The following MKLN1 variants were observed in gnomAD, a reference collection of about 807,000 sequenced individuals.
MKLN1 encodes muskelin.
Under a neutral mutation model 99.0 loss-of-function variants are expected in MKLN1, and 18 were observed. The ratio of observed to expected loss-of-function variants is 0.18; its 90% CI spans 0.13 to 0.27. The LOEUF is 0.27. Ranked by LOEUF, MKLN1 falls within the 10% of genes least tolerant of loss-of-function variation. The pLI, the probability that MKLN1 is intolerant of heterozygous loss-of-function variation, is 1.00. For missense variants in MKLN1, 621 were observed against 875.9 expected (o/e 0.71, Z 3.67); for synonymous variants, 288 against 293.2 (o/e 0.98, Z 0.18).
intron 2 of MKLN1, among the ~76,000 whole-genome samples, chr7:131,144,610 G>A (rs936571517): frequency 6.6e-6 from 1 of 151,994 alleles, no homozygotes; most frequent in African/African-American, 2.4e-5. Flanking sequence ...ACCTCCCAAA[G>A]CGCTGGGGTT....
At chr7:131,428,888 T>C in intron 8 of MKLN1, 145 bp from the exon 9 acceptor site, 1 of 591,774 alleles carries the variant, frequency 1.7e-6, no homozygotes, top group East Asian at 2.8e-5. Flanking sequence ...AGTATATATT[T>C]GAGAAAGTTA....
rs1176117681 is a variant in MKLN1 at position 131,419,273 on chromosome 7, C to T, written c.847+4563C>T. 1.4e-4 allele frequency among the ~76,000 whole-genome samples: 15 copies of T among 109,198 alleles called. No individual in the cohort carries two copies. In the Admixed American group the frequency reaches 1.6e-3, roughly 11 times the overall value. The allele number at this position is 109,198 out of a possible 152,430, so 71.6% of individuals were successfully genotyped here. On this transcript the variant is annotated intron_variant, in intron 8 of 17. Coordinates refer to ENST00000352689, the MANE Select transcript of MKLN1 (RefSeq NM_013255.5). ...TTTTGTTTTTTTTTTTTTTTTGAGA[C>T]AGAGTCTCGCTCTGTTGCCCAGGCT...
chr7:131,253,856 A>G (rs1381325514), intron 3 of MKLN1, among the ~76,000 whole-genome samples: 1 of 152,262 alleles, frequency 6.6e-6, no homozygotes, highest in Non-Finnish European at 1.5e-5. Flanking sequence ...CAATGTGCGC[A>G]ACAAGCTAAA....
At chr7:131,432,416 G>T (rs910060759) in intron 9 of MKLN1, among the ~76,000 whole-genome samples, 1 of 152,126 alleles carries the variant, frequency 6.6e-6, no homozygotes, top group African/African-American at 2.4e-5. Context: ...AAAATATAGA[G>T]ATTATTTTGA....
intron 3 of MKLN1, among the ~76,000 whole-genome samples, chr7:131,263,489 C>T (rs1797764908): frequency 6.6e-6 from 1 of 151,746 alleles, no homozygotes; most frequent in Non-Finnish European, 1.5e-5. Flanking sequence ...TATGCCAGTG[C>T]ACTCCAGCCT....
At chr7:131,375,557 T>TA in intron 2 of MKLN1, 64 bp downstream of exon 2, 4 of 929,848 alleles carry the variant, frequency 4.3e-6, no homozygotes, top group Admixed American at 1.8e-5. Flanking sequence ...ACTCAATTGA[T>TA]ACTAGTTATC....
At chr7:131,382,369 C>CA (rs751781518) in intron 2 of MKLN1, among the ~76,000 whole-genome samples, 1,511 of 142,566 alleles carry the variant, frequency 0.011, 11 homozygotes, top group Non-Finnish European at 0.016. Flanking sequence ...AATCTTTCTC[C>CA]CAAAAAAAAA....
At chr7:131,114,035 A>G (rs1795237610) in intron 1 of MKLN1, among the ~76,000 whole-genome samples, 1 of 152,218 alleles carries the variant, frequency 6.6e-6, no homozygotes, top group Non-Finnish European at 1.5e-5. Context: ...ACAGAGCCAA[A>G]CCATATCACA....
intron 1 of MKLN1, among the ~76,000 whole-genome samples, chr7:131,368,539 A>G (rs1036345686): frequency 2.6e-5 from 4 of 152,204 alleles, no homozygotes; most frequent in African/African-American, 9.6e-5. Context: ...CCTTCTTCTC[A>G]TGGCAGCAGG....
At chr7:131,139,524 G>C (rs1267869768) in intron 1 of MKLN1, among the ~76,000 whole-genome samples, 1 of 152,174 alleles carries the variant, frequency 6.6e-6, no homozygotes, top group Non-Finnish European at 1.5e-5. Context: ...ATAGCTGCCT[G>C]GCCAGCTGCA....
chr7:131,333,971 C>T (rs1563297845), intron 1 of MKLN1, among the ~76,000 whole-genome samples: 1 of 152,166 alleles, frequency 6.6e-6, no homozygotes, highest in Non-Finnish European at 1.5e-5. Flanking sequence ...TGGAAGAAAA[C>T]ATATTTAAAT....
chr7:131,462,108 T>C (rs1648441), intron 12 of MKLN1, among the ~76,000 whole-genome samples: 82,488 of 151,880 alleles, frequency 0.54, 22,825 homozygotes, highest in East Asian at 0.69. Context: ...TAATAGCTCA[T>C]GGCAGTTTCC....
In MKLN1 at chr7:131,471,163, A is replaced by G. The variant is rs1489148150; in HGVS notation, c.2031+219A>G. 9 of 422,186 alleles carry G rather than the reference A, an allele frequency of 2.1e-5. No homozygotes were observed. In the Middle Eastern group the frequency reaches 3.1e-3, roughly 148 times the overall value. 26.2% of individuals were successfully genotyped at this position (422,186 alleles called of 1,614,324 possible). A position where few individuals can be genotyped will look rare whatever the true frequency, so the allele number is the denominator to read the frequency against. On this transcript the variant is annotated intron_variant, in intron 16 of 17. Coordinates refer to ENST00000352689, the MANE Select transcript of MKLN1 (RefSeq NM_013255.5). Reference sequence around the variant, plus strand: ...CACCAAAAACCCTTGGTCCATTCAGAAAAGGATTATCAGGTATAAAGTTTT... The same window carrying G: ...CACCAAAAACCCTTGGTCCATTCAGGAAAGGATTATCAGGTATAAAGTTTT...
At chr7:131,460,626 T>C (rs1315845822) in intron 12 of MKLN1, among the ~76,000 whole-genome samples, 3 of 152,216 alleles carry the variant, frequency 2.0e-5, no homozygotes, top group African/African-American at 7.2e-5. Context: ...TTCTTCTCTT[T>C]GTATCCGATG....
intron 10 of MKLN1, 72 bp from the exon 11 acceptor site, chr7:131,443,409 A>G (rs1173706826): frequency 1.8e-6 from 2 of 1,093,764 alleles, no homozygotes; most frequent in Non-Finnish European, 2.8e-6. Context: ...AAAACTGTAC[A>G]TGTTGGTTTT....
intron 3 of MKLN1, among the ~76,000 whole-genome samples, chr7:131,298,196 A>G (rs930517300): frequency 6.6e-6 from 1 of 152,038 alleles, no homozygotes; most frequent in Non-Finnish European, 1.5e-5. Context: ...GCGTGAACCC[A>G]GGAGGTGGAG....
intron 2 of MKLN1, among the ~76,000 whole-genome samples, chr7:131,189,167 T>C (rs1381923342): frequency 2.0e-5 from 3 of 152,232 alleles, no homozygotes; most frequent in Non-Finnish European, 2.9e-5. Context: ...TACAATATTC[T>C]GGCTGATTCC....
chr7:131,263,307 C>A (rs1000466080), intron 3 of MKLN1, among the ~76,000 whole-genome samples: 37 of 150,442 alleles, frequency 2.5e-4, no homozygotes, highest in Non-Finnish European at 1.8e-4. Flanking sequence ...AGTTCAAGAC[C>A]AGCCTGGACA....
chr7:131,342,341 C>T (rs1320236154), intron 1 of MKLN1, among the ~76,000 whole-genome samples: 1 of 152,144 alleles, frequency 6.6e-6, no homozygotes, highest in African/African-American at 2.4e-5. Flanking sequence ...CTTGAGAATA[C>T]ATGAATTAGC....
Sources: allele counts gnomAD v4.1 joint callset (sites outside exome capture counted in the v4.1 genomes callset), GRCh38; gene constraint gnomAD v4.1.1; transcripts MANE v1.5; gene names NCBI Gene and HGNC (gene_info 2026-07-23, HGNC 2026-07-21).